Variants in LHFPL3 observed in about 807,000 individuals in gnomAD.
The protein encoded by LHFPL3 is LHFPL tetraspan subfamily member 3 protein.
In LHFPL3, 5 loss-of-function variants were observed where a neutral mutation model predicts 19.3. The ratio of observed to expected loss-of-function variants is 0.26; its 90% CI spans 0.14 to 0.54. The LOEUF is 0.54. Ranked by LOEUF, LHFPL3 falls within the 20% of genes least tolerant of loss-of-function variation. The pLI is 0.94. For synonymous variants in LHFPL3, 133 were observed against 126.2 expected, an observed-to-expected ratio of 1.05 and a Z score of -0.36; for missense variants, 249 against 307.4, an observed-to-expected ratio of 0.81 and a Z score of 1.42.
intron 1 of LHFPL3, among the ~76,000 whole-genome samples, chr7:104,331,841 T>A (rs1295988488): frequency 6.6e-6 from 1 of 151,858 alleles, no homozygotes. Context: ...TCCCAGCTAC[T>A]TGGGAGGCTG....
At chr7:104,332,432 T>C (rs1187913836) in intron 1 of LHFPL3, among the ~76,000 whole-genome samples, 1 of 151,928 alleles carries the variant, frequency 6.6e-6, no homozygotes, top group Non-Finnish European at 1.5e-5. Context: ...GGTTTCACCA[T>C]GTTGGCCAGG....
At chr7:104,840,308 C>CTTTTTTTTTTTTT (rs67980957) in intron 2 of LHFPL3, among the ~76,000 whole-genome samples, 2 of 118,384 alleles carry the variant, frequency 1.7e-5, no homozygotes, top group Admixed American at 1.0e-4. Context: ...TGTGGGTTTT[C>CTTTTTTTTTTTTT]TTTTTTTTTT....
At chr7:104,569,086 A>C (rs970877029) in intron 1 of LHFPL3, among the ~76,000 whole-genome samples, 1 of 152,198 alleles carries the variant, frequency 6.6e-6, no homozygotes, top group Non-Finnish European at 1.5e-5. Context: ...ACTCATCTTT[A>C]GTGTTCTAGC....
chr7:104,824,856 TTA>T (rs557793582), intron 2 of LHFPL3, among the ~76,000 whole-genome samples: 1,604 of 132,772 alleles, frequency 0.012, 26 homozygotes, highest in South Asian at 0.04. Flanking sequence ...TATCTAATAA[TTA>T]TATATATTAT....
chr7:104,369,166 C>T (rs1316219055), intron 1 of LHFPL3, among the ~76,000 whole-genome samples: 2 of 152,154 alleles, frequency 1.3e-5, no homozygotes, highest in African/African-American at 2.4e-5. Flanking sequence ...AGTTTTAGGA[C>T]ATTACCATCA....
At position 104,907,075 on chromosome 7, in the gene LHFPL3, A is replaced by G. The variant is rs989032189; in HGVS notation, c.*860A>G. The G allele has an allele frequency of 1.3e-5, 2 of 152,612 alleles. No homozygotes were observed. The highest frequency in any genetic ancestry group is 4.8e-5 in the African/African-American group (2 of 41,456). The allele number at this position is 152,612 out of a possible 1,614,324, so 9.5% of individuals were successfully genotyped here. A position where few individuals can be genotyped will look rare whatever the true frequency, so the allele number is the denominator to read the frequency against. On this transcript the variant is annotated 3_prime_UTR_variant, in exon 3 of 3. Transcript: ENST00000424859. The stretch of plus-strand genomic sequence containing the variant: ...CGTGTAATATTATAGGCTACTATCA[A>G]ATAAACACTTTTTTTCTAATTCTCC...
intron 2 of LHFPL3, among the ~76,000 whole-genome samples, chr7:104,891,178 T>TA (rs200871990): frequency 6.4e-4 from 95 of 149,554 alleles, no homozygotes; most frequent in African/African-American, 2.0e-3. Flanking sequence ...CAGAATACCA[T>TA]AAAAAAAAAA....
At chr7:104,841,657 T>G (rs1056511752) in intron 2 of LHFPL3, among the ~76,000 whole-genome samples, 1 of 152,154 alleles carries the variant, frequency 6.6e-6, no homozygotes, top group Non-Finnish European at 1.5e-5. Flanking sequence ...CACTACCTGT[T>G]GGCTATCTCT....
At chr7:104,698,602 A>G (rs1295414244) in intron 1 of LHFPL3, among the ~76,000 whole-genome samples, 1 of 152,222 alleles carries the variant, frequency 6.6e-6, no homozygotes, top group Admixed American at 6.5e-5. Flanking sequence ...GTCCACACAA[A>G]AACCTGTACA....
chr7:104,329,840 C>T (rs903355452), intron 1 of LHFPL3, among the ~76,000 whole-genome samples: 2 of 152,200 alleles, frequency 1.3e-5, no homozygotes, highest in Non-Finnish European at 2.9e-5. Flanking sequence ...TAGCTTAGAA[C>T]ATTCTTTCGC....
At chr7:104,573,062 A>T (rs1009146633) in intron 1 of LHFPL3, among the ~76,000 whole-genome samples, 3 of 152,192 alleles carry the variant, frequency 2.0e-5, no homozygotes, top group African/African-American at 7.2e-5. Context: ...CATTAAAGGT[A>T]CTATAGGAAG....
chr7:104,881,648 A>C (rs1269575478), intron 2 of LHFPL3, among the ~76,000 whole-genome samples: 3 of 152,268 alleles, frequency 2.0e-5, no homozygotes, highest in Admixed American at 1.3e-4. Context: ...AAGTGACAAC[A>C]AAGTATTTCA....
At chr7:104,588,385 G>T (rs145001322) in intron 1 of LHFPL3, among the ~76,000 whole-genome samples, 1 of 152,068 alleles carries the variant, frequency 6.6e-6, no homozygotes, top group Non-Finnish European at 1.5e-5. Context: ...TCATTTCCCC[G>T]TTGCTTGTTT....
chr7:104,889,001 A>C (rs1175557155), intron 2 of LHFPL3, among the ~76,000 whole-genome samples: 1 of 152,188 alleles, frequency 6.6e-6, no homozygotes, highest in Non-Finnish European at 1.5e-5. Context: ...ATCTGACCAA[A>C]GACAGAAAGA....
intron 1 of LHFPL3, among the ~76,000 whole-genome samples, chr7:104,560,022 G>A (rs1458511464): frequency 7.4e-5 from 11 of 149,026 alleles, no homozygotes; most frequent in Admixed American, 7.3e-4. Context: ...GCATCCCAGG[G>A]ATGAAGCCCA....
chr7:104,538,364 T>A (rs1352714447), intron 1 of LHFPL3, among the ~76,000 whole-genome samples: 1 of 152,034 alleles, frequency 6.6e-6, no homozygotes, highest in Non-Finnish European at 1.5e-5. Flanking sequence ...CAGAGCTGAG[T>A]TACGAAAGCT....
intron 1 of LHFPL3, among the ~76,000 whole-genome samples, chr7:104,524,644 A>G (rs1201216847): frequency 1.3e-5 from 2 of 152,310 alleles, no homozygotes. Context: ...CGAGTCTTAT[A>G]AAATCTTATC....
chr7:104,452,615 T>G (rs558207780), intron 1 of LHFPL3, among the ~76,000 whole-genome samples: 1 of 152,364 alleles, frequency 6.6e-6, no homozygotes, highest in East Asian at 1.9e-4. Context: ...CCTTTTCATA[T>G]GTTAATTAAG....
intron 2 of LHFPL3, among the ~76,000 whole-genome samples, chr7:104,820,783 G>A (rs2465066): frequency 0.23 from 34,657 of 152,070 alleles, 4,079 homozygotes; most frequent in Middle Eastern, 0.31. Flanking sequence ...TCTAGACTAA[G>A]GTCCTGGCTA....
Sources: gnomAD v4.1 joint callset for allele counts (sites outside exome capture counted in the v4.1 genomes callset) on GRCh38, gnomAD v4.1.1 for gene constraint, MANE v1.5 for transcripts, NCBI Gene and HGNC (gene_info 2026-07-23, HGNC 2026-07-21) for gene names.